The following ZEB1 variants were observed in gnomAD, a reference collection of about 807,000 sequenced individuals.
ZEB1 encodes zinc finger E-box-binding homeobox 1.
ZEB1 carries 21 observed loss-of-function variants against 84.9 expected under a neutral mutation model. The ratio of observed to expected loss-of-function variants is 0.25; its 90% CI spans 0.18 to 0.36. The LOEUF is 0.36. Ranked by LOEUF, ZEB1 falls within the 10% of genes least tolerant of loss-of-function variation. The pLI, the probability that ZEB1 is intolerant of heterozygous loss-of-function variation, is 1.00. For missense variants in ZEB1, 1,104 were observed against 1,330.2 expected (o/e 0.83, Z 2.65); for synonymous variants, 420 against 471.1 (o/e 0.89, Z 1.41).
chr10:31,473,989 G>A (rs2063680697), intron 2 of ZEB1, among the ~76,000 whole-genome samples: 1 of 152,120 alleles, frequency 6.6e-6, no homozygotes, highest in African/African-American at 2.4e-5. Context: ...AATGGTTCTG[G>A]GAAAACCGGC....
At chr10:31,451,422 C>A (rs1021952795) in intron 1 of ZEB1, among the ~76,000 whole-genome samples, 1 of 152,098 alleles carries the variant, frequency 6.6e-6, no homozygotes, top group Non-Finnish European at 1.5e-5. Flanking sequence ...CATGGCTTCT[C>A]TATTTTTTGA....
At chr10:31,377,880 CT>C (rs1208077206) in intron 1 of ZEB1, among the ~76,000 whole-genome samples, 3 of 151,648 alleles carry the variant, frequency 2.0e-5, no homozygotes, top group African/African-American at 4.8e-5. Context: ...ATTACAAACT[CT>C]GCTGTTGGCA....
At chr10:31,454,315 G>C (rs2060939627) in intron 1 of ZEB1, among the ~76,000 whole-genome samples, 1 of 152,032 alleles carries the variant, frequency 6.6e-6, no homozygotes, top group South Asian at 2.1e-4. Context: ...TTACTGAATG[G>C]GTGAAAACTG....
At position 31,529,083 on chromosome 10, in the gene ZEB1, A is replaced by G. The variant is rs995078637; in HGVS notation, c.*1819A>G. The G allele has an allele frequency of 6.6e-6, 1 of 152,296 alleles. No homozygotes were observed. The highest frequency in any genetic ancestry group is 2.1e-4 in the South Asian group (1 of 4,818). The allele number at this position is 152,296 out of a possible 1,614,324, so 9.4% of individuals were successfully genotyped here. The stretch of plus-strand genomic sequence containing the variant: ...ACATTTTGTGCCAATTTGTTCCTGT[A>G]TTCATGTATGTAAGTTACAGATCTG... On this transcript the variant is annotated 3_prime_UTR_variant, in exon 9 of 9. Transcript: ENST00000424869.
At chr10:31,512,063 C>T (rs549031324) in intron 5 of ZEB1, among the ~76,000 whole-genome samples, 12 of 152,102 alleles carry the variant, frequency 7.9e-5, no homozygotes, top group Non-Finnish European at 1.8e-4. Context: ...AGGCAAACTC[C>T]GTCTCCTTCC....
intron 1 of ZEB1, among the ~76,000 whole-genome samples, chr10:31,444,531 G>T (rs898305355): frequency 6.6e-6 from 1 of 151,012 alleles, no homozygotes; most frequent in Non-Finnish European, 1.5e-5. Context: ...TTCTTCTAGG[G>T]TTTTTATGGT....
intron 1 of ZEB1, among the ~76,000 whole-genome samples, chr10:31,416,432 A>G (rs887842766): frequency 3.3e-5 from 5 of 152,116 alleles, no homozygotes. Context: ...CAGTCTTGTC[A>G]TAAGCTCACA....
intron 2 of ZEB1, among the ~76,000 whole-genome samples, chr10:31,489,430 A>G (rs1158522140): frequency 6.6e-6 from 1 of 151,244 alleles, no homozygotes; most frequent in Non-Finnish European, 1.5e-5. Flanking sequence ...TATTCTGATC[A>G]TCTCTGCCCT....
intron 1 of ZEB1, among the ~76,000 whole-genome samples, chr10:31,449,609 A>G (rs1055195518): frequency 1.3e-5 from 2 of 151,932 alleles, no homozygotes; most frequent in African/African-American, 2.4e-5. Context: ...CAAGACTCCT[A>G]TTTGTTTAGG....
intron 1 of ZEB1, among the ~76,000 whole-genome samples, chr10:31,337,366 AC>A (rs1031844184): frequency 6.6e-6 from 1 of 152,076 alleles, no homozygotes; most frequent in African/African-American, 2.4e-5. Flanking sequence ...TTAAAAAAAA[AC>A]GATGGTGGAA....
At chr10:31,511,305 A>G (rs545157170) in intron 5 of ZEB1, among the ~76,000 whole-genome samples, 4 of 152,322 alleles carry the variant, frequency 2.6e-5, no homozygotes, top group African/African-American at 9.6e-5. Flanking sequence ...ACCAGTTACT[A>G]TTTATTCTCA....
Position 31,452,754 on chromosome 10 carries a change from A to T in ZEB1, c.59-8283A>T, listed in dbSNP as rs923572462. On this transcript the variant is annotated intron_variant, in intron 1 of 8. Coordinates refer to ENST00000424869, the MANE Select transcript of ZEB1 (RefSeq NM_001174096.2). ...GTGTGTGTGTGTGTGAGAGAGAGAG[A>T]GAGAGAGAGAGAGAGAGAGAGATGT... Among the ~76,000 whole-genome samples the T allele has an allele frequency of 1.4e-3, 200 of 147,588 alleles. 1 individual carries two copies. Among genetic ancestry groups the T allele is most frequent in the South Asian group, 5.0e-3 (23 of 4,610 alleles).
At chr10:31,326,696 A>G (rs936650288) in intron 1 of ZEB1, among the ~76,000 whole-genome samples, 1 of 152,202 alleles carries the variant, frequency 6.6e-6, no homozygotes, top group Admixed American at 6.5e-5. Flanking sequence ...TAAGACGGTA[A>G]CAAGCAAGAA....
intron 1 of ZEB1, among the ~76,000 whole-genome samples, chr10:31,397,015 TA>T (rs2050857151): frequency 6.7e-6 from 1 of 149,696 alleles, no homozygotes. Context: ...TTTTTATTAT[TA>T]TTATTTTTTT....
rs1175050683 is a variant in ZEB1 at position 31,361,022 on chromosome 10, A to G, written c.58+41730A>G. The G allele has an allele frequency of 3.7e-6, 6 of 1,610,108 alleles. No homozygotes were observed. In the African/African-American group the frequency reaches 4.0e-5, roughly 11 times the overall value. ...CAGGCGCTTTACAAGGCTCCTGCTT[A>G]CCATCTTATTTTGGAAGGGATTCTG... On this transcript the variant is annotated intron_variant, in intron 1 of 8. Coordinates refer to ENST00000424869, the MANE Select transcript of ZEB1 (RefSeq NM_001174096.2).
chr10:31,337,103 A>C (rs942369506), intron 1 of ZEB1, among the ~76,000 whole-genome samples: 2 of 152,188 alleles, frequency 1.3e-5, no homozygotes, highest in Non-Finnish European at 1.5e-5. Context: ...AATGCAACAC[A>C]ATACTGAAAA....
intron 1 of ZEB1, among the ~76,000 whole-genome samples, chr10:31,355,482 T>G (rs970671533): frequency 1.3e-5 from 2 of 152,126 alleles, no homozygotes; most frequent in Admixed American, 6.6e-5. Context: ...AAACAAATAA[T>G]TATAACTAAG....
intron 1 of ZEB1, among the ~76,000 whole-genome samples, chr10:31,342,559 A>G (rs1173704964): frequency 6.6e-6 from 1 of 152,158 alleles, no homozygotes; most frequent in Non-Finnish European, 1.5e-5. Flanking sequence ...GTCGATGTAG[A>G]TGTTGAAGGC....
rs564503088 is a variant in ZEB1, at chr10:31,452,149, T to A, written c.59-8888T>A. Among the ~76,000 whole-genome samples the A allele has an allele frequency of 4.6e-5, 7 of 152,252 alleles. No individual in the cohort carries two copies. In the South Asian group the frequency reaches 1.2e-3, roughly 27 times the overall value. On this transcript the variant is annotated intron_variant, in intron 1 of 8. Coordinates refer to ENST00000424869, the MANE Select transcript of ZEB1 (RefSeq NM_001174096.2). ...TTACCTAGAGAAGGATTTAAAAATT[T>A]CACCCAAAATTTACTGAATCATTAG... is the stretch of plus-strand genomic sequence containing the variant.
Sources: gnomAD v4.1 joint callset for allele counts (sites outside exome capture counted in the v4.1 genomes callset) on GRCh38, gnomAD v4.1.1 for gene constraint, MANE v1.5 for transcripts, NCBI Gene and HGNC (gene_info 2026-07-23, HGNC 2026-07-21) for gene names.